DOC2B: variants seen among roughly 807,000 people sequenced by gnomAD.
The protein encoded by DOC2B is double C2-like domain-containing protein beta.
Under a neutral mutation model 28.9 loss-of-function variants are expected in DOC2B, and 21 were observed. That is an observed-to-expected ratio of 0.73 (90% CI 0.52 to 1.05). The LOEUF (loss-of-function observed/expected upper bound fraction) is 1.05. Among genes scored for constraint, DOC2B ranks in the 50% least tolerant of loss-of-function variants. DOC2B has a pLI of 0.00. For synonymous variants in DOC2B, 194 were observed against 178.1 expected (o/e 1.09, Z -0.71); for missense variants, 384 against 421.1 (o/e 0.91, Z 0.77).
intron 3 of DOC2B, chr17:163,829 A>G: frequency 2.6e-6 from 1 of 377,406 alleles, no homozygotes; most frequent in Non-Finnish European, 4.8e-6. Context: ...TCCAGCTGAG[A>G]ATGCTTCTTA....
Position 164,032 on chromosome 17 carries a change from G to T in DOC2B, c.528+98C>A, listed in dbSNP as rs1465531183. On this transcript the variant is annotated intron_variant, in intron 3 of 8. Coordinates refer to ENST00000613549, the MANE Select transcript of DOC2B (RefSeq NM_003585.5). ...CAGCTGTGGGCCTCCCTGGGTGCCCGCAGCCCAGTCCAGGCCCCAAAGCAA... is the reference window on the plus strand; with the variant it reads ...CAGCTGTGGGCCTCCCTGGGTGCCCTCAGCCCAGTCCAGGCCCCAAAGCAA... 4 of 986,672 alleles carry T rather than the reference G, an allele frequency of 4.1e-6. No individual in the cohort carries two copies. The African/African-American group carries it at 6.4e-5, about 16-fold the overall frequency. 61.1% of individuals were successfully genotyped at this position (986,672 alleles called of 1,614,324 possible). A position where few individuals can be genotyped will look rare whatever the true frequency, so the allele number is the denominator to read the frequency against.
In DOC2B at chr17:144,113, T is replaced by A. The variant is rs1419010528; in HGVS notation, c.*3328A>T. On this transcript the variant is annotated 3_prime_UTR_variant, in exon 9 of 9. Transcript: ENST00000613549. ...GGCGGGGCGGCGGGCGGGGCGGCGC[T>A]GGAGGCAGCGCCTGGTTACTGACAC... 7.0e-6 allele frequency: 1 copy of A among 143,680 alleles called. No homozygotes were observed. Among genetic ancestry groups the A allele is most frequent in the Non-Finnish European group, 1.5e-5 (1 of 66,312 alleles). 8.9% of individuals were successfully genotyped at this position (143,680 alleles called of 1,614,324 possible). A position where few individuals can be genotyped will look rare whatever the true frequency, so the allele number is the denominator to read the frequency against.
chr17:151,158 C>T (rs971433177), intron 6 of DOC2B, among the ~76,000 whole-genome samples: 33 of 152,114 alleles, frequency 2.2e-4, no homozygotes, highest in Admixed American at 2.2e-3. Flanking sequence ...GTAGTCCCAG[C>T]TATTCACAGT....
At chr17:169,100 T>C (rs1329194915) in intron 2 of DOC2B, among the ~76,000 whole-genome samples, 1 of 152,048 alleles carries the variant, frequency 6.6e-6, no homozygotes. Context: ...CTGTTGCTGG[T>C]GAAGTGTTCG....
chr17:180,399 G>T (rs1391219401), intron 1 of DOC2B, among the ~76,000 whole-genome samples: 1 of 151,986 alleles, frequency 6.6e-6, no homozygotes, highest in Non-Finnish European at 1.5e-5. Context: ...GAGGGGGAGC[G>T]GGCTGGGGGG....
At position 147,414 on chromosome 17, in the gene DOC2B, G is replaced by A. The variant is rs972202259; in HGVS notation, c.*27C>T. The A allele has an allele frequency of 1.1e-4, 45 of 398,986 alleles. No homozygotes were observed. Among genetic ancestry groups the A allele is most frequent in the East Asian group, 2.1e-4 (6 of 28,094 alleles). The allele number at this position is 398,986 out of a possible 1,614,324, so 24.7% of individuals were successfully genotyped here. A position where few individuals can be genotyped will look rare whatever the true frequency, so the allele number is the denominator to read the frequency against. ...GCCGGCCGTGCTGGGCGCAGGTGGC[G>A]GCAGGGGTAGCAGTGGCGGGTGGGC... On this transcript the variant is annotated 3_prime_UTR_variant, in exon 9 of 9. Transcript: ENST00000613549.
chr17:168,874 A>C (rs1333731834), intron 2 of DOC2B, among the ~76,000 whole-genome samples: 1 of 152,270 alleles, frequency 6.6e-6, no homozygotes, highest in East Asian at 1.9e-4. Flanking sequence ...TGTAACGGCA[A>C]GTCCAATAAA....
At chr17:149,980 C>T (rs1010284639) in intron 6 of DOC2B, among the ~76,000 whole-genome samples, 3 of 152,174 alleles carry the variant, frequency 2.0e-5, no homozygotes, top group South Asian at 2.1e-4. Context: ...TGCAGTCACA[C>T]GGAGGCCACC....
chr17:181,548 A>T lies in DOC2B; in HGVS notation c.-69T>A. 1 of 883,478 alleles carries T rather than the reference A, an allele frequency of 1.1e-6. No homozygotes were observed. Among genetic ancestry groups the T allele is most frequent in the Non-Finnish European group, 1.3e-6 (1 of 741,136 alleles). The allele number at this position is 883,478 out of a possible 1,614,324, so 54.7% of individuals were successfully genotyped here. A position where few individuals can be genotyped will look rare whatever the true frequency, so the allele number is the denominator to read the frequency against. ...GACCCCGGCCCGGGGGCGGCTCAGC[A>T]GGCCCGGCGGGGCGCGGCGGGGGCT... is the stretch of plus-strand genomic sequence containing the variant. On this transcript the variant is annotated 5_prime_UTR_variant, in exon 1 of 9. Coordinates refer to ENST00000613549, the MANE Select transcript of DOC2B (RefSeq NM_003585.5). This position sits in a 1 kb window ranked among gnomAD's most constrained non-coding sequence, Gnocchi z 7.0.
At position 175,277 on chromosome 17, in the gene DOC2B, C is replaced by T. The variant is rs534644735; in HGVS notation, c.374-2661G>A. Among the ~76,000 whole-genome samples the T allele has an allele frequency of 9.7e-4, 148 of 152,326 alleles. 1 individual carries two copies. The highest frequency in any genetic ancestry group is 3.3e-3 in the African/African-American group (137 of 41,572). On this transcript the variant is annotated intron_variant, in intron 1 of 8. Transcript: ENST00000613549. Reference sequence around the variant, plus strand: ...ACTAGGTCTTGAGTGAAGCCTGAGGCACGTTCTCCTGAGCAGGGTATGTGT... The same window carrying T: ...ACTAGGTCTTGAGTGAAGCCTGAGGTACGTTCTCCTGAGCAGGGTATGTGT...
chr17:161,152 A>C (rs986130038), intron 5 of DOC2B, among the ~76,000 whole-genome samples: 2 of 151,976 alleles, frequency 1.3e-5, no homozygotes, highest in African/African-American at 4.8e-5. Context: ...CCTCTTCTTC[A>C]AGCCATCCTG....
intron 7 of DOC2B, 122 bp downstream of exon 7, chr17:148,989 C>A: frequency 5.1e-6 from 2 of 395,570 alleles, no homozygotes; most frequent in Non-Finnish European, 8.9e-6. Context: ...CTTGGTGCGG[C>A]CCCTCCCCAC....
rs2040445669 is a variant in DOC2B, at chr17:181,599, G to C, written c.-120C>G. 8.7e-6 allele frequency: 3 copies of C among 345,974 alleles called. No homozygotes were observed. Among genetic ancestry groups the C allele is most frequent in the African/African-American group, 2.2e-5 (1 of 44,652 alleles). The allele number at this position is 345,974 out of a possible 1,614,324, so 21.4% of individuals were successfully genotyped here. A position where few individuals can be genotyped will look rare whatever the true frequency, so the allele number is the denominator to read the frequency against. On this transcript the variant is annotated 5_prime_UTR_variant, in exon 1 of 9. Transcript: ENST00000613549. The surrounding 1 kb of genome is among the most constrained non-coding windows in gnomAD (Gnocchi z 7.0). ...GCGGGCATCGCCGGCCGCGCCCCCG[G>C]ACGGCCCTGACTTGGCCGCTGCCCG...
At chr17:176,528 A>C (rs2040372181) in intron 1 of DOC2B, among the ~76,000 whole-genome samples, 1 of 152,146 alleles carries the variant, frequency 6.6e-6, no homozygotes, top group African/African-American at 2.4e-5. Flanking sequence ...CCCTGGTCCA[A>C]AAAGCTTTTT....
chr17:156,394 T>A lies in DOC2B; in HGVS notation c.766-17A>T. On this transcript the variant is annotated splice_polypyrimidine_tract_variant and intron_variant, in intron 5 of 8. Coordinates refer to ENST00000613549, the MANE Select transcript of DOC2B (RefSeq NM_003585.5). Reference sequence around the variant, plus strand: ...CTTGTCCACCTGTTGGACGGGACGGTCACTCAGTCCTCACCTGCTCCCACC... The same window carrying A: ...CTTGTCCACCTGTTGGACGGGACGGACACTCAGTCCTCACCTGCTCCCACC... The A allele has an allele frequency of 2.6e-6, 4 of 1,550,832 alleles. No homozygotes were observed. Among genetic ancestry groups the A allele is most frequent in the Non-Finnish European group, 3.5e-6 (4 of 1,146,782 alleles).
chr17:169,567 A>G (rs2040288252), intron 2 of DOC2B, among the ~76,000 whole-genome samples: 1 of 152,110 alleles, frequency 6.6e-6, no homozygotes, highest in South Asian at 2.1e-4. Context: ...TAAAAATAAA[A>G]AGTCTCCCAG....
intron 1 of DOC2B, among the ~76,000 whole-genome samples, chr17:180,458 G>A (rs757741172): frequency 4.6e-5 from 7 of 152,156 alleles, no homozygotes; most frequent in Non-Finnish European, 1.0e-4. Context: ...GAAGGTGCGC[G>A]GCCCTGGCGA....
intron 1 of DOC2B, among the ~76,000 whole-genome samples, chr17:173,378 G>T (rs972496710): frequency 6.6e-6 from 1 of 152,126 alleles, no homozygotes; most frequent in Admixed American, 6.6e-5. Flanking sequence ...AGATGATGGT[G>T]GGGGGCAGAG....
At chr17:168,896 TA>T (rs1043433906) in intron 2 of DOC2B, among the ~76,000 whole-genome samples, 1 of 152,224 alleles carries the variant, frequency 6.6e-6, no homozygotes, top group African/African-American at 2.4e-5. Flanking sequence ...CTCTTTCCTT[TA>T]TAAATTACAC....
Sources: allele counts gnomAD v4.1 joint callset (sites outside exome capture counted in the v4.1 genomes callset), GRCh38; gene constraint gnomAD v4.1.1; non-coding constraint Gnocchi (gnomAD v3.1); transcripts MANE v1.5; gene names NCBI Gene and HGNC (gene_info 2026-07-23, HGNC 2026-07-21).